The following SCLT1 variants were observed in gnomAD, a reference collection of about 807,000 sequenced individuals.
The protein encoded by SCLT1 is sodium channel and clathrin linker 1, also known as sodium channel-associated protein 1.
A neutral mutation model predicts 112.8 loss-of-function variants in SCLT1; 78 were observed. The observed-to-expected ratio is 0.69, with a 90% CI of 0.58 to 0.83. The LOEUF is 0.83. SCLT1 is among the 40% of genes least tolerant of loss of function. The pLI is 0.00. For synonymous variants in SCLT1, 257 were observed against 254.7 expected, an observed-to-expected ratio of 1.01 and a Z score of -0.09; for missense variants, 747 against 770.4, an observed-to-expected ratio of 0.97 and a Z score of 0.36.
intron 18 of SCLT1, among the ~76,000 whole-genome samples, chr4:128,909,155 A>T (rs1734909956): frequency 6.6e-6 from 1 of 152,070 alleles, no homozygotes; most frequent in Non-Finnish European, 1.5e-5. Flanking sequence ...CCTTTTTATC[A>T]TTATATCTCA....
intron 18 of SCLT1, among the ~76,000 whole-genome samples, chr4:128,895,387 A>T (rs974958602): frequency 6.6e-6 from 1 of 152,120 alleles, no homozygotes; most frequent in African/African-American, 2.4e-5. Flanking sequence ...TATCTTTCCA[A>T]CCTTATCCCC....
At chr4:129,057,349 T>C (rs910012472) in intron 2 of SCLT1, among the ~76,000 whole-genome samples, 1 of 152,040 alleles carries the variant, frequency 6.6e-6, no homozygotes, top group Non-Finnish European at 1.5e-5. Context: ...GTGGGATACA[T>C]TTGGAAGAAT....
chr4:128,986,006 T>G (rs937388737), intron 9 of SCLT1, among the ~76,000 whole-genome samples: 2 of 152,188 alleles, frequency 1.3e-5, no homozygotes, highest in African/African-American at 4.8e-5. Context: ...GAAAGCACCT[T>G]CATAAGAACC....
chr4:128,886,924 A>G (rs1311209824), intron 20 of SCLT1, among the ~76,000 whole-genome samples: 1 of 152,210 alleles, frequency 6.6e-6, no homozygotes, highest in African/African-American at 2.4e-5. Flanking sequence ...TTGCCTTAAA[A>G]AAGGTAAACG....
rs1445003129 is a variant in SCLT1 at position 129,043,380 on chromosome 4, A to G, written c.234+15T>C. On this transcript the variant is annotated intron_variant, in intron 4 of 20. Coordinates refer to ENST00000281142, the MANE Select transcript of SCLT1 (RefSeq NM_144643.4). ...AATAAAATATTACAAAAGCCTCATA[A>G]CTATGATTTCATACCTGGTAATATT... 1 of 1,279,388 alleles carries G rather than the reference A, an allele frequency of 7.8e-7. No individual in the cohort carries two copies. Among genetic ancestry groups the G allele is most frequent in the Non-Finnish European group, 1.1e-6 (1 of 891,718 alleles). 79.3% of individuals were successfully genotyped at this position (1,279,388 alleles called of 1,614,324 possible).
intron 2 of SCLT1, among the ~76,000 whole-genome samples, chr4:129,051,606 C>T (rs1306407996): frequency 6.6e-6 from 1 of 152,160 alleles, no homozygotes; most frequent in African/African-American, 2.4e-5. Flanking sequence ...AGTTGCTTAT[C>T]AGCTTAAAGA....
At chr4:129,051,209 CTCT>C (rs1748757072) in intron 2 of SCLT1, among the ~76,000 whole-genome samples, 1 of 152,096 alleles carries the variant, frequency 6.6e-6, no homozygotes, top group Non-Finnish European at 1.5e-5. Context: ...GCTATACAGG[CTCT>C]TTTTTGGTTC....
Position 128,952,786 on chromosome 4 carries a change from GTTC to G in SCLT1, c.1198_1200del (p.Glu400del). On this transcript the variant is annotated inframe_deletion, in exon 14 of 21. Coordinates refer to ENST00000281142, the MANE Select transcript of SCLT1 (RefSeq NM_144643.4). Reference sequence around the variant, plus strand: ...AAACATACCATTTGAAGGGCTGAAAGTTCTTCTGTTAATCGAGAAATTTGTATA... The same window carrying G: ...AAACATACCATTTGAAGGGCTGAAAGTTCTGTTAATCGAGAAATTTGTATA... 3 of 1,562,996 alleles carry G rather than the reference GTTC, an allele frequency of 1.9e-6. No homozygotes were observed. Among genetic ancestry groups the G allele is most frequent in the Non-Finnish European group, 2.6e-6 (3 of 1,133,628 alleles).
At chr4:128,890,961 C>T in intron 19 of SCLT1, 98 bp downstream of exon 19, 1 of 768,284 alleles carries the variant, frequency 1.3e-6, no homozygotes, top group East Asian at 2.5e-5. Context: ...TTGTTATTTC[C>T]AAGTAGAGAA....
At chr4:128,936,489 T>C (rs990446188) in intron 18 of SCLT1, among the ~76,000 whole-genome samples, 166 bp downstream of exon 18, 3 of 152,244 alleles carry the variant, frequency 2.0e-5, no homozygotes, top group Non-Finnish European at 4.4e-5. Context: ...ATATTTGCTT[T>C]GGTTTATGAC....
intron 18 of SCLT1, among the ~76,000 whole-genome samples, chr4:128,918,249 T>C (rs1382805474): frequency 1.3e-5 from 2 of 152,138 alleles, no homozygotes; most frequent in African/African-American, 4.8e-5. Context: ...ATGACAGATA[T>C]TGGAGTGGTC....
chr4:128,951,817 A>G (rs527482921), intron 14 of SCLT1, among the ~76,000 whole-genome samples: 1 of 152,310 alleles, frequency 6.6e-6, no homozygotes, highest in African/African-American at 2.4e-5. Flanking sequence ...AGTGACATTA[A>G]ACAAACAAAT....
intron 2 of SCLT1, among the ~76,000 whole-genome samples, chr4:129,080,617 C>A (rs1267429247): frequency 6.6e-6 from 1 of 152,192 alleles, no homozygotes. Flanking sequence ...TGGTCACAAC[C>A]ATTCAACAAG....
At chr4:128,976,752 A>C (rs1741207872) in intron 9 of SCLT1, among the ~76,000 whole-genome samples, 1 of 152,196 alleles carries the variant, frequency 6.6e-6, no homozygotes, top group Non-Finnish European at 1.5e-5. Context: ...GAGGTATTTA[A>C]AGCAAGAATT....
chr4:128,899,425 A>G (rs148109079), intron 18 of SCLT1, among the ~76,000 whole-genome samples: 2,637 of 152,342 alleles, frequency 0.017, 63 homozygotes, highest in African/African-American at 0.054. Flanking sequence ...GACAAAAACC[A>G]TAAGATTATC....
At chr4:128,973,214 C>T (rs1379785982) in intron 9 of SCLT1, among the ~76,000 whole-genome samples, 2 of 152,002 alleles carry the variant, frequency 1.3e-5, no homozygotes, top group African/African-American at 4.8e-5. Flanking sequence ...ATACTTTATA[C>T]ATTATTAATT....
At chr4:128,883,819 A>G (rs1434829399), downstream of SCLT1, among the ~76,000 whole-genome samples, 1 of 152,212 alleles carries the variant, frequency 6.6e-6, no homozygotes, top group Non-Finnish European at 1.5e-5. Context: ...TAGGACTTCA[A>G]TAGTTCAATG....
intron 5 of SCLT1, among the ~76,000 whole-genome samples, chr4:129,015,251 T>TGGCAG (rs1277294084): frequency 2.6e-5 from 4 of 151,944 alleles, no homozygotes; most frequent in Non-Finnish European, 5.9e-5. Flanking sequence ...TTGCCATGGG[T>TGGCAG]CCAGGGGTGG....
intron 9 of SCLT1, among the ~76,000 whole-genome samples, chr4:128,988,053 C>T (rs986627910): frequency 1.3e-5 from 2 of 151,364 alleles, no homozygotes; most frequent in East Asian, 1.9e-4. Context: ...ACCTGTCTTA[C>T]AAGAAATGTT....
Sources: allele counts gnomAD v4.1 joint callset (sites outside exome capture counted in the v4.1 genomes callset), GRCh38; gene constraint gnomAD v4.1.1; transcripts MANE v1.5; gene names NCBI Gene and HGNC (gene_info 2026-07-23, HGNC 2026-07-21).